PI4KA: variants seen among roughly 807,000 people sequenced by gnomAD.
The protein encoded by PI4KA is PI4-kinase alpha.
Under a neutral mutation model 271.4 loss-of-function variants are expected in PI4KA, and 122 were observed. That is an observed-to-expected ratio of 0.45 (90% CI 0.39 to 0.52). The LOEUF (loss-of-function observed/expected upper bound fraction) is 0.52. Ranked by LOEUF, PI4KA falls within the 20% of genes least tolerant of loss-of-function variation. The pLI is 0.00. For missense variants in PI4KA, 1,969 were observed against 2,769.1 expected (o/e 0.71, Z 6.48); for synonymous variants, 1,041 against 1,078.8 (o/e 0.96, Z 0.69).
Position 20,813,360 on chromosome 22 carries a change from G to A in PI4KA, c.1003C>T (p.Leu335=). The change falls in exon 8 of 55, where the codon CTG becomes TTG. Residue 335 remains leucine, a splice_region_variant and synonymous_variant. Transcript: ENST00000255882. ...PLEMLRELLN[L]VKKIVEEAVL... is the part of the protein sequence containing the mutation. ...TCATCCATCAGTTCTTTGCTTACCA[G>A]GTTTAAGAGTTCCCGAAGCATTTCC... is the stretch of plus-strand genomic sequence containing the variant. The A allele has an allele frequency of 6.2e-7, 1 of 1,612,616 alleles. No homozygotes were observed. Among genetic ancestry groups the A allele is most frequent in the Non-Finnish European group, 8.5e-7 (1 of 1,178,662 alleles).
rs2147573196 is a variant in PI4KA, at chr22:20,796,305, G to A, written c.2118C>T (p.Ser706=). The change falls in exon 18 of 55, where the codon TCC becomes TCT. Residue 706 remains serine, a synonymous_variant. Coordinates refer to ENST00000255882, the MANE Select transcript of PI4KA (RefSeq NM_058004.4). ...TGGCCAGGGCATTAATCACTGCCAG[G>A]GAGCAATGCCTGAAGAAGAAGGAGT... The part of the protein sequence containing the change: ...DYKDHGYRHC[S]LAVINALANI... The A allele has an allele frequency of 6.2e-7, 1 of 1,613,470 alleles. No individual in the cohort carries two copies. The highest frequency in any genetic ancestry group is 8.5e-7 in the Non-Finnish European group (1 of 1,179,700).
intron 19 of PI4KA, among the ~76,000 whole-genome samples, chr22:20,771,936 C>G (rs1932893980): frequency 6.6e-6 from 1 of 152,028 alleles, no homozygotes; most frequent in Admixed American, 6.6e-5. Context: ...AAAGGTCAAA[C>G]AAAGAAGTAC....
chr22:20,739,984 C>A (rs1014834677), intron 32 of PI4KA, among the ~76,000 whole-genome samples: 7 of 149,010 alleles, frequency 4.7e-5, no homozygotes, highest in African/African-American at 1.5e-4. Context: ...ATCACTTGAA[C>A]CCACGAGGCG....
chr22:20,816,166 C>T (rs1016447278), intron 7 of PI4KA, among the ~76,000 whole-genome samples: 4 of 152,144 alleles, frequency 2.6e-5, no homozygotes, highest in African/African-American at 4.8e-5. Flanking sequence ...TCTCGAACTC[C>T]TAGTCTCAAG....
At chr22:20,754,506 A>G (rs1931060027) in intron 23 of PI4KA, among the ~76,000 whole-genome samples, 1 of 152,232 alleles carries the variant, frequency 6.6e-6, no homozygotes, top group Non-Finnish European at 1.5e-5. Context: ...ACAGCGATTG[A>G]TATTTTGGGG....
chr22:20,767,102 G>T (rs904937167), intron 19 of PI4KA, among the ~76,000 whole-genome samples: 1 of 152,156 alleles, frequency 6.6e-6, no homozygotes, highest in Admixed American at 6.6e-5. Flanking sequence ...AAACACACTA[G>T]ATGTCTACCT....
chr22:20,737,668 G>GT (rs1448995636), intron 32 of PI4KA, among the ~76,000 whole-genome samples: 1 of 145,138 alleles, frequency 6.9e-6, no homozygotes, highest in African/African-American at 2.6e-5. Context: ...TTTCGCTCTT[G>GT]TTGCCCAGGC....
chr22:20,827,769 C>T (rs1923611480), intron 3 of PI4KA, among the ~76,000 whole-genome samples: 1 of 151,974 alleles, frequency 6.6e-6, no homozygotes. Context: ...TTTTCACCTC[C>T]CTGGTTAGCT....
chr22:20,818,576 T>C (rs755391158), intron 6 of PI4KA, 27 bp from the exon 7 acceptor site: 1 of 1,509,020 alleles, frequency 6.6e-7, no homozygotes, highest in Non-Finnish European at 8.8e-7. Flanking sequence ...CAGTTACATA[T>C]CAGAAAAGAC....
At chr22:20,820,446 TA>T in intron 5 of PI4KA, 92 bp downstream of exon 5, 1 of 834,044 alleles carries the variant, frequency 1.2e-6, no homozygotes, top group South Asian at 1.5e-5. Context: ...CCATCATATA[TA>T]TTAGGTACCC....
rs536362495 is a variant in PI4KA, at chr22:20,730,888, T to TA, written c.4289-878dup. ...CCTGGACTTCTTCTAGCCTTTAAAA[T>TA]AGAATAGGCTGAGCACAGTGGCTCA... is the stretch of plus-strand genomic sequence containing the variant. On this transcript the variant is annotated intron_variant, in intron 36 of 54. Transcript: ENST00000255882. 1.3e-4 allele frequency among the ~76,000 whole-genome samples: 19 copies of TA among 151,768 alleles called. No individual in the cohort carries two copies. The South Asian group carries it at 3.8e-3, about 30-fold the overall frequency.
In PI4KA at chr22:20,779,331, G is replaced by A. The variant is rs5905; in HGVS notation, c.2329-13638C>T. On this transcript the variant is annotated intron_variant, in intron 19 of 54. Transcript: ENST00000255882. ...CGCCAAAATGAAACACTCATTAAAC[G>A]CACTTCTCATTTTCCTCATCATAAC... is the stretch of plus-strand genomic sequence containing the variant. The A allele has an allele frequency of 5.9e-3, 9,445 of 1,614,150 alleles. 79 individuals carry two copies. Among genetic ancestry groups the A allele is most frequent in the East Asian group, 0.049 (2,179 of 44,888 alleles).
At chr22:20,853,902 C>T (rs1821641638) in intron 1 of PI4KA, among the ~76,000 whole-genome samples, 1 of 151,324 alleles carries the variant, frequency 6.6e-6, no homozygotes, top group African/African-American at 2.4e-5. Flanking sequence ...TGGTGAGACC[C>T]CCATCTCTAA....
intron 36 of PI4KA, among the ~76,000 whole-genome samples, chr22:20,731,219 A>G (rs1169707054): frequency 1.3e-5 from 2 of 152,198 alleles, no homozygotes; most frequent in Non-Finnish European, 2.9e-5. Flanking sequence ...AACAAATATC[A>G]TAATTTTCTT....
chr22:20,823,184 G>T (rs940617530), intron 4 of PI4KA, among the ~76,000 whole-genome samples: 1 of 152,078 alleles, frequency 6.6e-6, no homozygotes, highest in African/African-American at 2.4e-5. Flanking sequence ...AAAGTGCTAG[G>T]ATTACAAGCC....
At chr22:20,855,041 A>G (rs772077266) in intron 1 of PI4KA, among the ~76,000 whole-genome samples, 5 of 151,832 alleles carry the variant, frequency 3.3e-5, no homozygotes, top group Non-Finnish European at 4.4e-5. Context: ...AGTCCCAGCT[A>G]CTCAGGAGAC....
chr22:20,708,056 G>A lies in PI4KA; in HGVS notation c.6300C>T (p.Ile2100=), dbSNP rs1394340294. ...YDMIQYYQND[I]PY Reference sequence around the variant, plus strand: ...CTCGAAGGTCCCCTCCTCAGTAGGGGATGTCATTCTGATAGTACTGGATCA... The same window carrying A: ...CTCGAAGGTCCCCTCCTCAGTAGGGAATGTCATTCTGATAGTACTGGATCA... Residue 2100 remains isoleucine, a synonymous_variant, in exon 55 of 55, where the codon ATC becomes ATT. Coordinates refer to ENST00000255882, the MANE Select transcript of PI4KA (RefSeq NM_058004.4). The A allele has an allele frequency of 2.5e-6, 4 of 1,612,898 alleles. No individual in the cohort carries two copies. The highest frequency in any genetic ancestry group is 1.1e-5 in the South Asian group (1 of 91,062).
Position 20,802,032 on chromosome 22 carries a change from C to T in PI4KA, c.1665G>A (p.Lys555=). ...SESTLNVMSG[K]KSQPSMYEQL... ...GCTCGTACATGGAGGGCTGGCTCTT[C>T]TTACCCGACATGACGTTCAGGGTTG... The change falls in exon 14 of 55, where the codon AAG becomes AAA. Residue 555 remains lysine, a synonymous_variant. Transcript: ENST00000255882. The T allele has an allele frequency of 6.2e-7, 1 of 1,614,134 alleles. No individual in the cohort carries two copies. Among genetic ancestry groups the T allele is most frequent in the Non-Finnish European group, 8.5e-7 (1 of 1,179,982 alleles).
intron 1 of PI4KA, among the ~76,000 whole-genome samples, chr22:20,841,820 G>C (rs1925589215): frequency 6.6e-6 from 1 of 152,226 alleles, no homozygotes; most frequent in Non-Finnish European, 1.5e-5. Context: ...GAGGGAGTCA[G>C]AGTGATGTGA....
Sources: gnomAD v4.1 joint callset for allele counts (sites outside exome capture counted in the v4.1 genomes callset) on GRCh38, gnomAD v4.1.1 for gene constraint, MANE v1.5 for transcripts, NCBI Gene and HGNC (gene_info 2026-07-23, HGNC 2026-07-21) for gene names.